LASP1: variants seen among roughly 807,000 people sequenced by gnomAD.
LASP1 encodes LIM and SH3 protein 1.
A neutral mutation model predicts 38.6 loss-of-function variants in LASP1; 10 were observed. That is an observed-to-expected ratio of 0.26 (90% CI 0.16 to 0.44). The LOEUF is 0.44. LASP1 is among the 20% of genes least tolerant of loss of function. LASP1 has a pLI of 1.00. For missense variants in LASP1, 243 were observed against 375.7 expected, an observed-to-expected ratio of 0.65 and a Z score of 2.92; for synonymous variants, 132 against 140.8, an observed-to-expected ratio of 0.94 and a Z score of 0.44.
At chr17:38,876,133 A>T (rs554297922) in intron 1 of LASP1, among the ~76,000 whole-genome samples, 85 of 151,384 alleles carry the variant, frequency 5.6e-4, no homozygotes, top group Middle Eastern at 3.5e-3. Flanking sequence ...GGTTCCACAA[A>T]GACCCCTCCA....
intron 4 of LASP1, among the ~76,000 whole-genome samples, chr17:38,912,314 AG>A (rs34008367): frequency 2.0e-4 from 30 of 152,172 alleles, no homozygotes; most frequent in African/African-American, 6.5e-4. Flanking sequence ...CGCCGCATGG[AG>A]CGGCTGGAGG....
intron 1 of LASP1, 90 bp from the exon 2 acceptor site, chr17:38,877,996 C>T: frequency 1.1e-6 from 1 of 925,332 alleles, no homozygotes; most frequent in South Asian, 1.4e-5. Flanking sequence ...AGGACAGTCC[C>T]AGCAGCTCCT....
chr17:38,898,648 T>C (rs1048604502), intron 4 of LASP1, 129 bp downstream of exon 4: 2 of 738,086 alleles, frequency 2.7e-6, no homozygotes, highest in African/African-American at 3.5e-5. Context: ...CCCTCCAGGG[T>C]GGGCCTGGGG....
chr17:38,872,854 AC>A (rs1913650858), intron 1 of LASP1, among the ~76,000 whole-genome samples: 2 of 151,942 alleles, frequency 1.3e-5, no homozygotes, highest in Admixed American at 1.3e-4. Flanking sequence ...AAACCTTGTC[AC>A]CTCTGAAGGC....
intron 6 of LASP1, chr17:38,915,422 A>G: frequency 3.0e-6 from 1 of 328,970 alleles, no homozygotes; most frequent in Admixed American, 4.4e-5. Context: ...GGAACACACA[A>G]GGCAACTTTC....
intron 2 of LASP1, among the ~76,000 whole-genome samples, chr17:38,883,125 C>T (rs1216474536): frequency 6.6e-6 from 1 of 151,978 alleles, no homozygotes; most frequent in Non-Finnish European, 1.5e-5. Flanking sequence ...GGGTTGGGTG[C>T]AGTGGTTTAT....
intron 2 of LASP1, among the ~76,000 whole-genome samples, chr17:38,881,126 G>C (rs1913936965): frequency 6.6e-6 from 1 of 150,896 alleles, no homozygotes; most frequent in African/African-American, 2.4e-5. Context: ...ACAAACTAAA[G>C]ATAAAAAAAA....
At chr17:38,908,966 A>G (rs1000485590) in intron 4 of LASP1, among the ~76,000 whole-genome samples, 1 of 152,232 alleles carries the variant, frequency 6.6e-6, no homozygotes, top group East Asian at 1.9e-4. Context: ...TCCAGGAAAC[A>G]GCAGGTTTTG....
rs537198016 is a variant in LASP1, at chr17:38,900,328, C to T, written c.357+1809C>T. ...CCAGAGGTTTGAGGTTATAGTGAGC[C>T]GTAATTGCACCACTGCATTCCAGCC... On this transcript the variant is annotated intron_variant, in intron 4 of 6. Transcript: ENST00000318008. 3.2e-4 allele frequency among the ~76,000 whole-genome samples: 48 copies of T among 150,022 alleles called. No homozygotes were observed. In the South Asian group the frequency reaches 8.8e-3, roughly 28 times the overall value.
intron 3 of LASP1, among the ~76,000 whole-genome samples, chr17:38,895,838 G>A (rs1392673261): frequency 6.6e-6 from 1 of 152,242 alleles, no homozygotes; most frequent in Non-Finnish European, 1.5e-5. Context: ...CACGGATGGT[G>A]GTTGTTTGGG....
chr17:38,903,235 A>G (rs1383902116), intron 4 of LASP1, among the ~76,000 whole-genome samples: 2 of 152,192 alleles, frequency 1.3e-5, no homozygotes, highest in African/African-American at 2.4e-5. Context: ...AGCTTCTGTC[A>G]TTCTGGGGCC....
At chr17:38,900,958 G>T (rs1283889717) in intron 4 of LASP1, among the ~76,000 whole-genome samples, 2 of 152,222 alleles carry the variant, frequency 1.3e-5, no homozygotes, top group African/African-American at 4.8e-5. Flanking sequence ...CAGAGCTCTC[G>T]GCTTGGAAAG....
intron 1 of LASP1, 64 bp from the exon 2 acceptor site, chr17:38,878,022 G>A (rs574165029): frequency 2.9e-4 from 372 of 1,270,008 alleles, no homozygotes; most frequent in African/African-American, 1.9e-3. Flanking sequence ...CCCCTTCCTA[G>A]GGCCTGAGCC....
At chr17:38,892,807 G>C (rs9898883) in intron 3 of LASP1, among the ~76,000 whole-genome samples, 6 of 152,220 alleles carry the variant, frequency 3.9e-5, no homozygotes, top group Non-Finnish European at 7.4e-5. Context: ...CCAGCACCAC[G>C]CTCTGGGTTT....
intron 3 of LASP1, among the ~76,000 whole-genome samples, chr17:38,896,196 A>G (rs1454801598): frequency 5.8e-5 from 7 of 120,114 alleles, no homozygotes; most frequent in African/African-American, 2.0e-4. Flanking sequence ...CACCCCTTCC[A>G]TACCCAAAGA....
chr17:38,872,207 C>T (rs1913630273), intron 1 of LASP1, among the ~76,000 whole-genome samples: 1 of 152,154 alleles, frequency 6.6e-6, no homozygotes, highest in South Asian at 2.1e-4. Flanking sequence ...AAAGGTGGGG[C>T]AGTGCACTAA....
chr17:38,915,263 A>C (rs1915086909), intron 6 of LASP1, 117 bp downstream of exon 6: 1 of 822,302 alleles, frequency 1.2e-6, no homozygotes, highest in African/African-American at 1.7e-5. Context: ...GTGTGATGAT[A>C]AGGATCTCAG....
At chr17:38,878,271 C>T (rs535288779) in intron 2 of LASP1, 91 bp downstream of exon 2, 1 of 804,998 alleles carries the variant, frequency 1.2e-6, no homozygotes, top group Admixed American at 2.0e-5. Context: ...CGCAAGGTGA[C>T]ATTGGCGAAC....
intron 3 of LASP1, among the ~76,000 whole-genome samples, chr17:38,896,496 C>G (rs1418638513): frequency 6.6e-6 from 1 of 152,206 alleles, no homozygotes; most frequent in African/African-American, 2.4e-5. Context: ...AGAAGCAGTT[C>G]CCGATCCTGG....
Sources: gnomAD v4.1 joint callset for allele counts (sites outside exome capture counted in the v4.1 genomes callset) on GRCh38, gnomAD v4.1.1 for gene constraint, MANE v1.5 for transcripts, NCBI Gene and HGNC (gene_info 2026-07-23, HGNC 2026-07-21) for gene names.